Variants in NAV2 observed in about 807,000 individuals in gnomAD.
The protein encoded by NAV2 is neuron navigator 2, also known as helicase, APC down-regulated 1.
NAV2 carries 54 observed loss-of-function variants against 223.2 expected under a neutral mutation model. The ratio of observed to expected loss-of-function variants is 0.24; its 90% CI spans 0.19 to 0.30. The LOEUF (loss-of-function observed/expected upper bound fraction) is 0.30, where lower values mean the gene tolerates loss of function less well. Among genes scored for constraint, NAV2 ranks in the 10% least tolerant of loss-of-function variants. The pLI, the probability that NAV2 is intolerant of heterozygous loss-of-function variation, is 1.00. For synonymous variants in NAV2, 1,279 were observed against 1,239.3 expected, an observed-to-expected ratio of 1.03 and a Z score of -0.67; for missense variants, 2,806 against 3,147.5, an observed-to-expected ratio of 0.89 and a Z score of 2.60.
chr11:19,356,790 G>A (rs573286647), intron 1 of NAV2, among the ~76,000 whole-genome samples: 5 of 152,204 alleles, frequency 3.3e-5, no homozygotes, highest in South Asian at 2.1e-4. Context: ...GAATAAAACG[G>A]CCTTCTTCAA....
chr11:19,490,311 A>G (rs549255328), intron 1 of NAV2, among the ~76,000 whole-genome samples: 2 of 152,140 alleles, frequency 1.3e-5, no homozygotes, highest in Non-Finnish European at 2.9e-5. Flanking sequence ...TTCACAAAAG[A>G]TTTCTCTGTA....
chr11:19,516,710 T>A (rs2043462816), intron 1 of NAV2, among the ~76,000 whole-genome samples: 1 of 152,164 alleles, frequency 6.6e-6, no homozygotes, highest in Non-Finnish European at 1.5e-5. Context: ...GTAGGAGAAA[T>A]GAGGACGGCA....
chr11:20,098,392 T>C (rs2061421794), intron 31 of NAV2, among the ~76,000 whole-genome samples: 3 of 152,208 alleles, frequency 2.0e-5, no homozygotes, highest in African/African-American at 4.8e-5. Flanking sequence ...ACTCCTGCTG[T>C]TAAAAAGGCT....
At chr11:20,037,368 G>A (rs1206307191) in intron 12 of NAV2, among the ~76,000 whole-genome samples, 3 of 130,606 alleles carry the variant, frequency 2.3e-5, no homozygotes, top group Non-Finnish European at 1.6e-5. Context: ...TGACAATAGG[G>A]CTAAAAAAAA....
At chr11:19,870,682 T>C (rs56350049) in intron 4 of NAV2, among the ~76,000 whole-genome samples, 1,560 of 152,338 alleles carry the variant, frequency 0.01, 24 homozygotes, top group African/African-American at 0.036. Context: ...CAGGATTTTA[T>C]CTGTATTGGC....
intron 1 of NAV2, among the ~76,000 whole-genome samples, chr11:19,607,210 T>C (rs982668636): frequency 6.6e-6 from 1 of 152,240 alleles, no homozygotes; most frequent in Non-Finnish European, 1.5e-5. Context: ...TTACTCTGCA[T>C]AGGCCCATGG....
chr11:19,891,347 C>T (rs1002274779), intron 5 of NAV2, among the ~76,000 whole-genome samples: 1 of 152,164 alleles, frequency 6.6e-6, no homozygotes, highest in African/African-American at 2.4e-5. Flanking sequence ...CATCTTTCAA[C>T]TTTAATTATT....
At chr11:19,594,658 CAG>C (rs1215584769) in intron 1 of NAV2, among the ~76,000 whole-genome samples, 1 of 152,068 alleles carries the variant, frequency 6.6e-6, no homozygotes, top group Non-Finnish European at 1.5e-5. Flanking sequence ...AGCTGGCTGG[CAG>C]AGTGATTGTA....
In NAV2 at chr11:19,998,426, A is replaced by T. The variant is rs78606998; in HGVS notation, c.2768+14179A>T. Among the ~76,000 whole-genome samples the T allele has an allele frequency of 2.7e-4, 41 of 151,922 alleles. No individual in the cohort carries two copies. The highest frequency in any genetic ancestry group is 9.9e-4 in the African/African-American group (41 of 41,420). On this transcript the variant is annotated intron_variant, in intron 11 of 37. Coordinates refer to ENST00000349880, the MANE Select transcript of NAV2 (RefSeq NM_145117.5). The surrounding 1 kb of genome is among the most constrained non-coding windows in gnomAD (Gnocchi z 5.0). ...AGGGCCTTCATGCGGTACGTTCTCCACCCAGAAGCTATTGTAACCTTAACA... is the reference window on the plus strand; with the variant it reads ...AGGGCCTTCATGCGGTACGTTCTCCTCCCAGAAGCTATTGTAACCTTAACA...
At chr11:19,898,140 G>A (rs140825872) in intron 6 of NAV2, among the ~76,000 whole-genome samples, 1 of 151,908 alleles carries the variant, frequency 6.6e-6, no homozygotes, top group African/African-American at 2.4e-5. Flanking sequence ...TGAAACATTT[G>A]GTATTCCTAG....
At chr11:19,716,822 T>A (rs1364791) in intron 1 of NAV2, among the ~76,000 whole-genome samples, 1 of 152,202 alleles carries the variant, frequency 6.6e-6, no homozygotes, top group East Asian at 1.9e-4. Context: ...TATATCACTT[T>A]CTATGTGCCA....
At position 20,045,021 on chromosome 11, in the gene NAV2, T is replaced by A; in HGVS notation, c.3253T>A (p.Ser1085Thr). The A allele has an allele frequency of 6.2e-7, 1 of 1,613,954 alleles. No individual in the cohort carries two copies. The highest frequency in any genetic ancestry group is 8.5e-7 in the Non-Finnish European group (1 of 1,179,988). ...GAAAGGAAGGCTTTCTCCTAAAGCC[T>A]CCCAGGTGAAGCGCTCCCCATCAGA... ...SEKGRLSPKA[S>T]QVKRSPSDAG... The change falls in exon 14 of 38, where the codon TCC becomes ACC. Residue 1085 changes from serine to threonine, a missense_variant. Physicochemically the swap from Ser to Thr is moderately conservative, Grantham distance 58. This residue lies in a region of NAV2 where 742 missense variants were observed against 777.9 expected (regional missense o/e 0.95). Transcript: ENST00000349880.
At chr11:19,347,984 C>T (rs1853094556), upstream of NAV2, among the ~76,000 whole-genome samples, 2 of 152,188 alleles carry the variant, frequency 1.3e-5, no homozygotes, top group South Asian at 2.1e-4. Flanking sequence ...GACTCTCTCC[C>T]CTCTGGCTCC....
intron 1 of NAV2, among the ~76,000 whole-genome samples, chr11:19,612,492 T>C (rs1032691156): frequency 6.6e-6 from 1 of 152,226 alleles, no homozygotes; most frequent in East Asian, 1.9e-4. Context: ...CCAAGTCACC[T>C]CTTGAATGCT....
chr11:20,024,075 G>T (rs760737155), intron 11 of NAV2, among the ~76,000 whole-genome samples: 7 of 152,188 alleles, frequency 4.6e-5, no homozygotes, highest in Admixed American at 1.3e-4. Context: ...TCCTGGGTGG[G>T]CTTGGCATCT....
chr11:19,621,814 C>T (rs11827595), intron 1 of NAV2, among the ~76,000 whole-genome samples: 2,329 of 152,184 alleles, frequency 0.015, 54 homozygotes, highest in African/African-American at 0.053. Flanking sequence ...AATTTGTTTG[C>T]TCTTGCTTCT....
At chr11:20,093,263 G>A (rs1428598869) in intron 29 of NAV2, 64 bp downstream of exon 29, 11 of 1,083,258 alleles carry the variant, frequency 1.0e-5, no homozygotes, top group African/African-American at 1.5e-5. Flanking sequence ...CTAGCTTAGT[G>A]ATCTAATTGT....
intron 1 of NAV2, among the ~76,000 whole-genome samples, chr11:19,386,811 A>G (rs557827277): frequency 2.3e-4 from 35 of 152,186 alleles, no homozygotes; most frequent in Non-Finnish European, 4.7e-4. Context: ...GAGCACGGAC[A>G]TGATATTCAG....
At chr11:19,489,957 G>A (rs891629721) in intron 1 of NAV2, among the ~76,000 whole-genome samples, 4 of 152,076 alleles carry the variant, frequency 2.6e-5, no homozygotes, top group African/African-American at 9.7e-5. Context: ...GAGATATCGC[G>A]GGTTCAGTTC....
Sources: allele counts gnomAD v4.1 joint callset (sites outside exome capture counted in the v4.1 genomes callset), GRCh38; gene constraint gnomAD v4.1.1; regional missense constraint gnomAD v4.1.1; non-coding constraint Gnocchi (gnomAD v3.1); transcripts MANE v1.5; gene names NCBI Gene and HGNC (gene_info 2026-07-23, HGNC 2026-07-21).